Variants in SORCS2 observed in about 807,000 individuals in gnomAD.
SORCS2 encodes the protein VPS10 domain-containing receptor SorCS2.
A neutral mutation model predicts 141.6 loss-of-function variants in SORCS2; 100 were observed. The observed-to-expected ratio is 0.71, with a 90% CI of 0.60 to 0.83. The LOEUF is 0.83. SORCS2 is among the 40% of genes least tolerant of loss of function. SORCS2 has a pLI of 0.00. For synonymous variants in SORCS2, 789 were observed against 676.9 expected, an observed-to-expected ratio of 1.17 and a Z score of -2.57; for missense variants, 1,646 against 1,560.2, an observed-to-expected ratio of 1.05 and a Z score of -0.93.
At chr4:7,239,722 GT>G (rs912112382) in intron 1 of SORCS2, among the ~76,000 whole-genome samples, 29 of 152,240 alleles carry the variant, frequency 1.9e-4, no homozygotes, top group African/African-American at 6.5e-4. Context: ...AAAAGCAGGG[GT>G]TCTGGCCGAA....
At chr4:7,733,192 T>A in intron 23 of SORCS2, 130 bp from the exon 24 acceptor site, 2 of 62,474 alleles carry the variant, frequency 3.2e-5, no homozygotes, top group Non-Finnish European at 2.9e-5. Context: ...TTCACTCTCC[T>A]CCTGGTAGAA....
chr4:7,514,667 C>T (rs1320740005), intron 2 of SORCS2, among the ~76,000 whole-genome samples: 1 of 152,046 alleles, frequency 6.6e-6, no homozygotes, highest in Non-Finnish European at 1.5e-5. Flanking sequence ...CTGGGGTGTA[C>T]AATGGACAGT....
At chr4:7,454,283 G>A (rs1421841855) in intron 2 of SORCS2, among the ~76,000 whole-genome samples, 2 of 127,006 alleles carry the variant, frequency 1.6e-5, no homozygotes, top group African/African-American at 6.2e-5. Context: ...GCTCCGTGTT[G>A]GGGTCAGGCG....
intron 10 of SORCS2, among the ~76,000 whole-genome samples, chr4:7,683,533 A>G (rs969472529): frequency 2.0e-4 from 31 of 152,250 alleles, no homozygotes; most frequent in African/African-American, 7.5e-4. Context: ...TGGTGATACC[A>G]GAAGTACAAG....
chr4:7,411,798 C>T (rs986686964), intron 2 of SORCS2, among the ~76,000 whole-genome samples: 1 of 152,164 alleles, frequency 6.6e-6, no homozygotes, highest in African/African-American at 2.4e-5. Flanking sequence ...GCCTTAGACA[C>T]CCCTACTCCA....
At chr4:7,576,758 T>C (rs191405437) in intron 3 of SORCS2, among the ~76,000 whole-genome samples, 15 of 152,222 alleles carry the variant, frequency 9.9e-5, no homozygotes, top group African/African-American at 2.4e-5. Flanking sequence ...GAGTCTGTCA[T>C]AGACAGCAAA....
At chr4:7,431,272 A>G (rs1024664152) in intron 2 of SORCS2, 6 of 152,216 alleles carry the variant, frequency 3.9e-5, no homozygotes, top group African/African-American at 1.2e-4. Flanking sequence ...GGTAGGGAAG[A>G]GGGTGTGGGG....
chr4:7,279,770 G>A (rs767739633), intron 1 of SORCS2, among the ~76,000 whole-genome samples: 3 of 152,186 alleles, frequency 2.0e-5, no homozygotes, highest in Non-Finnish European at 4.4e-5. Context: ...GGAACATTTT[G>A]TACCTGTTGT....
At chr4:7,482,517 G>A (rs1294551566) in intron 2 of SORCS2, among the ~76,000 whole-genome samples, 1 of 63,282 alleles carries the variant, frequency 1.6e-5, no homozygotes, top group Non-Finnish European at 2.7e-5. Flanking sequence ...CACCCCTGAC[G>A]CTGTTCAGAC....
chr4:7,394,632 G>T (rs1296301075), intron 1 of SORCS2, among the ~76,000 whole-genome samples: 1 of 152,192 alleles, frequency 6.6e-6, no homozygotes, highest in Non-Finnish European at 1.5e-5. Flanking sequence ...TCGAGGGAGG[G>T]GGAGGAGGAA....
At chr4:7,296,821 G>A (rs1171542161) in intron 1 of SORCS2, among the ~76,000 whole-genome samples, 2 of 152,172 alleles carry the variant, frequency 1.3e-5, no homozygotes, top group Non-Finnish European at 2.9e-5. Context: ...CACACACTGC[G>A]TGGCTTCCCT....
intron 3 of SORCS2, among the ~76,000 whole-genome samples, chr4:7,610,009 G>C (rs1300278555): frequency 6.6e-6 from 1 of 152,170 alleles, no homozygotes; most frequent in Non-Finnish European, 1.5e-5. Context: ...TCATCCACAG[G>C]CCAGTTTTCA....
At chr4:7,595,032 G>A (rs1420988872) in intron 3 of SORCS2, among the ~76,000 whole-genome samples, 1 of 152,122 alleles carries the variant, frequency 6.6e-6, no homozygotes, top group African/African-American at 2.4e-5. Context: ...ATCAGATCCA[G>A]GCTCGGTCCC....
intron 2 of SORCS2, among the ~76,000 whole-genome samples, chr4:7,458,121 G>T (rs1175120545): frequency 6.6e-6 from 1 of 152,176 alleles, no homozygotes; most frequent in African/African-American, 2.4e-5. Flanking sequence ...AAGTTTGAGG[G>T]AGGGAAGGGT....
chr4:7,736,979 C>G, intron 25 of SORCS2, 90 bp from the exon 26 acceptor site: 1 of 1,479,662 alleles, frequency 6.8e-7, no homozygotes, highest in Non-Finnish European at 9.1e-7. Flanking sequence ...GCACCACACT[C>G]GGTGTGGTCA....
At chr4:7,651,152 A>T (rs1721422911) in intron 4 of SORCS2, among the ~76,000 whole-genome samples, 1 of 152,146 alleles carries the variant, frequency 6.6e-6, no homozygotes, top group African/African-American at 2.4e-5. Context: ...ACCGAGCCAG[A>T]GTCAGAGGAG....
At chr4:7,487,283 G>A (rs1369265249) in intron 2 of SORCS2, among the ~76,000 whole-genome samples, 3 of 152,246 alleles carry the variant, frequency 2.0e-5, no homozygotes, top group Non-Finnish European at 2.9e-5. Context: ...TTCACAAGCT[G>A]TCTGTTACAT....
At chr4:7,638,860 C>G (rs1009399349) in intron 4 of SORCS2, among the ~76,000 whole-genome samples, 1 of 152,252 alleles carries the variant, frequency 6.6e-6, no homozygotes, top group Non-Finnish European at 1.5e-5. Flanking sequence ...TGCGCACACC[C>G]TCATCAGACC....
chr4:7,692,629 A>G (rs1724327159), intron 11 of SORCS2, among the ~76,000 whole-genome samples: 1 of 152,186 alleles, frequency 6.6e-6, no homozygotes, highest in African/African-American at 2.4e-5. Context: ...TGAACAGAGG[A>G]GCAAAGGGAT....
Sources: gnomAD v4.1 joint callset for allele counts (sites outside exome capture counted in the v4.1 genomes callset) on GRCh38, gnomAD v4.1.1 for gene constraint, MANE v1.5 for transcripts, NCBI Gene and HGNC (gene_info 2026-07-23, HGNC 2026-07-21) for gene names.